RNF13: variants seen among roughly 807,000 people sequenced by gnomAD.
RNF13 encodes E3 ubiquitin-protein ligase RNF13.
RNF13 carries 19 observed loss-of-function variants against 37.7 expected under a neutral mutation model. That is an observed-to-expected ratio of 0.50 (90% CI 0.35 to 0.74). RNF13 has a LOEUF of 0.74. Ranked by LOEUF, RNF13 falls within the 30% of genes least tolerant of loss-of-function variation. RNF13 has a pLI of 0.01. For synonymous variants in RNF13, 144 were observed against 157.8 expected (o/e 0.91, Z 0.65); for missense variants, 375 against 453.0 (o/e 0.83, Z 1.56).
At chr3:149,928,297 G>C (rs1264589383) in intron 8 of RNF13, among the ~76,000 whole-genome samples, 1 of 151,810 alleles carries the variant, frequency 6.6e-6, no homozygotes, top group Non-Finnish European at 1.5e-5. Context: ...AAGTTTTATG[G>C]TTTTAGCTTA....
chr3:149,853,406 T>G (rs545514735), intron 3 of RNF13, among the ~76,000 whole-genome samples: 1 of 149,830 alleles, frequency 6.7e-6, no homozygotes, highest in African/African-American at 2.5e-5. Context: ...TTTTAAAAAA[T>G]CTAATGAACT....
intron 1 of RNF13, among the ~76,000 whole-genome samples, chr3:149,817,576 C>G (rs950287135): frequency 6.6e-6 from 1 of 152,172 alleles, no homozygotes. Flanking sequence ...GAATCAGAGA[C>G]TCTGTGTGCT....
At chr3:149,908,440 GC>G (rs1362098238) in intron 6 of RNF13, among the ~76,000 whole-genome samples, 1 of 152,142 alleles carries the variant, frequency 6.6e-6, no homozygotes, top group Non-Finnish European at 1.5e-5. Context: ...CTAGCACCAG[GC>G]CCATTGACTG....
At chr3:149,818,081 G>A (rs1719646691) in intron 1 of RNF13, among the ~76,000 whole-genome samples, 1 of 152,132 alleles carries the variant, frequency 6.6e-6, no homozygotes, top group Non-Finnish European at 1.5e-5. Flanking sequence ...ACAGAAAAAT[G>A]TTGTTGAGCA....
At chr3:149,869,159 G>T (rs886290218) in intron 3 of RNF13, among the ~76,000 whole-genome samples, 1 of 151,612 alleles carries the variant, frequency 6.6e-6, no homozygotes. Flanking sequence ...GTCAGCAGAT[G>T]TATTTCTCAG....
At chr3:149,828,130 G>A (rs1193705677) in intron 1 of RNF13, among the ~76,000 whole-genome samples, 1 of 152,142 alleles carries the variant, frequency 6.6e-6, no homozygotes, top group Non-Finnish European at 1.5e-5. Context: ...GGAGTAATTA[G>A]GATGAGGGAA....
chr3:149,914,211 G>A (rs1489370208), intron 7 of RNF13, among the ~76,000 whole-genome samples: 2 of 151,596 alleles, frequency 1.3e-5, no homozygotes, highest in Admixed American at 6.6e-5. Context: ...AGCACTTCTT[G>A]ACTACTATCT....
intron 8 of RNF13, among the ~76,000 whole-genome samples, chr3:149,932,072 T>C (rs1446135199): frequency 6.6e-6 from 1 of 152,206 alleles, no homozygotes; most frequent in Non-Finnish European, 1.5e-5. Context: ...ATTTTCTTTA[T>C]CCAGTCATCC....
At chr3:149,906,490 A>G (rs1396384357) in intron 6 of RNF13, among the ~76,000 whole-genome samples, 1 of 152,140 alleles carries the variant, frequency 6.6e-6, no homozygotes, top group African/African-American at 2.4e-5. Context: ...CTTCCAAAGG[A>G]ATTTAATAAT....
chr3:149,957,281 G>GA (rs1421591054), intron 8 of RNF13, among the ~76,000 whole-genome samples: 1 of 152,098 alleles, frequency 6.6e-6, no homozygotes, highest in African/African-American at 2.4e-5. Context: ...TTTAGTGGGG[G>GA]AAAAACTGGA....
intron 4 of RNF13, chr3:149,894,025 A>T (rs933357364): frequency 6.6e-6 from 1 of 152,170 alleles, no homozygotes; most frequent in Non-Finnish European, 1.5e-5. Context: ...AAACACATTT[A>T]AAAAGTACGT....
At chr3:149,858,721 T>C (rs565030119) in intron 3 of RNF13, among the ~76,000 whole-genome samples, 2 of 152,356 alleles carry the variant, frequency 1.3e-5, no homozygotes, top group South Asian at 4.1e-4. Context: ...CTGTTCCTAC[T>C]ATCCAGAACA....
intron 6 of RNF13, among the ~76,000 whole-genome samples, chr3:149,907,381 A>T (rs974599593): frequency 2.0e-5 from 3 of 152,178 alleles, no homozygotes; most frequent in African/African-American, 7.2e-5. Flanking sequence ...TTATCATATT[A>T]ATGAAGTATT....
At chr3:149,907,926 A>G (rs892633897) in intron 6 of RNF13, among the ~76,000 whole-genome samples, 1 of 152,234 alleles carries the variant, frequency 6.6e-6, no homozygotes, top group Non-Finnish European at 1.5e-5. Flanking sequence ...TCAGTAAACA[A>G]TTGTCATATT....
chr3:149,949,964 A>C (rs1255232695), intron 8 of RNF13, among the ~76,000 whole-genome samples: 2 of 151,918 alleles, frequency 1.3e-5, no homozygotes, highest in East Asian at 3.9e-4. Context: ...ATATTCTTGC[A>C]TATTATTCCA....
chr3:149,932,680 C>T (rs1719281234), intron 8 of RNF13, among the ~76,000 whole-genome samples: 1 of 152,222 alleles, frequency 6.6e-6, no homozygotes, highest in South Asian at 2.1e-4. Flanking sequence ...CCAAGGCACA[C>T]TGGTGCAAGG....
chr3:149,870,782 A>G (rs1385708493), intron 3 of RNF13, among the ~76,000 whole-genome samples: 1 of 151,804 alleles, frequency 6.6e-6, no homozygotes, highest in Non-Finnish European at 1.5e-5. Context: ...TACCCAAGAT[A>G]TGTACAAACA....
intron 1 of RNF13, among the ~76,000 whole-genome samples, chr3:149,815,506 T>TATG (rs1469743261): frequency 6.6e-6 from 1 of 152,224 alleles, no homozygotes; most frequent in Non-Finnish European, 1.5e-5. Flanking sequence ...TGGCATTGCA[T>TATG]ATGATAGTTT....
At chr3:149,839,853 A>G (rs369747092) in intron 1 of RNF13, among the ~76,000 whole-genome samples, 1 of 152,160 alleles carries the variant, frequency 6.6e-6, no homozygotes, top group Non-Finnish European at 1.5e-5. Context: ...ATGGAACTGT[A>G]TGTTGCATTT....
Sources: allele counts gnomAD v4.1 joint callset (sites outside exome capture counted in the v4.1 genomes callset), GRCh38; gene constraint gnomAD v4.1.1; transcripts MANE v1.5; gene names NCBI Gene and HGNC (gene_info 2026-07-23, HGNC 2026-07-21).